The following GSG1L variants were observed in gnomAD, a reference collection of about 807,000 sequenced individuals.
The protein encoded by GSG1L is GSG1 like.
GSG1L carries 24 observed loss-of-function variants against 42.1 expected under a neutral mutation model. The observed-to-expected ratio is 0.57, with a 90% CI of 0.41 to 0.80. The LOEUF (loss-of-function observed/expected upper bound fraction) is 0.80, where lower values mean the gene tolerates loss of function less well. GSG1L is among the 30% of genes least tolerant of loss of function. The pLI is 0.00. For missense variants in GSG1L, 445 were observed against 472.2 expected (o/e 0.94, Z 0.53); for synonymous variants, 215 against 203.5 (o/e 1.06, Z -0.48).
At chr16:27,941,780 G>C (rs1398904813) in intron 2 of GSG1L, among the ~76,000 whole-genome samples, 3 of 152,118 alleles carry the variant, frequency 2.0e-5, no homozygotes. Flanking sequence ...GCCTTAGGAA[G>C]AAATGGAATT....
intron 4 of GSG1L, among the ~76,000 whole-genome samples, chr16:27,834,771 T>A (rs1456103917): frequency 6.6e-6 from 1 of 152,188 alleles, no homozygotes; most frequent in East Asian, 1.9e-4. Context: ...CAACATCCTC[T>A]GTTTCATTCC....
At chr16:27,913,659 G>GTA (rs893204610) in intron 2 of GSG1L, among the ~76,000 whole-genome samples, 1 of 152,128 alleles carries the variant, frequency 6.6e-6, no homozygotes, top group Non-Finnish European at 1.5e-5. Flanking sequence ...ATTCATTTAT[G>GTA]TATCATCTAT....
At chr16:27,801,825 T>C (rs2144412751) in intron 6 of GSG1L, among the ~76,000 whole-genome samples, 1 of 152,322 alleles carries the variant, frequency 6.6e-6, no homozygotes, top group African/African-American at 2.4e-5. Context: ...AGCCATGGTC[T>C]TAACCTCCTG....
intron 1 of GSG1L, among the ~76,000 whole-genome samples, chr16:28,014,450 T>A (rs981466505): frequency 1.3e-5 from 2 of 151,786 alleles, no homozygotes; most frequent in Non-Finnish European, 2.9e-5. Context: ...ACTGGAAAAA[T>A]ACAGACTAAA....
At chr16:27,983,804 C>A (rs192597809) in intron 1 of GSG1L, among the ~76,000 whole-genome samples, 8 of 152,230 alleles carry the variant, frequency 5.3e-5, no homozygotes, top group Admixed American at 5.2e-4. Context: ...CTATGGCTGA[C>A]ACTGTGAGAT....
intron 1 of GSG1L, among the ~76,000 whole-genome samples, chr16:28,036,206 G>A (rs1385986080): frequency 2.0e-5 from 3 of 152,102 alleles, no homozygotes; most frequent in Non-Finnish European, 2.9e-5. Context: ...TCCCCACCAC[G>A]TGGTCACGCA....
rs995262524 is a variant in GSG1L, at chr16:27,791,264, T to A, written c.*106A>T. On this transcript the variant is annotated 3_prime_UTR_variant, in exon 7 of 7. Coordinates refer to ENST00000447459, the MANE Select transcript of GSG1L (RefSeq NM_001109763.2). The stretch of plus-strand genomic sequence containing the variant: ...GCATCTCCCACGCAGGCTGACTGAG[T>A]TCACGGCACACAGGCCAGGGTTCTG... 5.9e-6 allele frequency: 4 copies of A among 682,514 alleles called. No homozygotes were observed. The East Asian group carries it at 1.3e-4, about 22-fold the overall frequency. 42.3% of individuals were successfully genotyped at this position (682,514 alleles called of 1,614,324 possible). A position where few individuals can be genotyped will look rare whatever the true frequency, so the allele number is the denominator to read the frequency against.
intron 4 of GSG1L, among the ~76,000 whole-genome samples, chr16:27,843,128 A>G (rs540828889): frequency 1.1e-4 from 17 of 152,300 alleles, no homozygotes; most frequent in African/African-American, 3.6e-4. Flanking sequence ...GGAAGTACTC[A>G]GTTAATATGT....
At chr16:28,045,018 A>G (rs994330960) in intron 1 of GSG1L, among the ~76,000 whole-genome samples, 1 of 152,236 alleles carries the variant, frequency 6.6e-6, no homozygotes, top group Non-Finnish European at 1.5e-5. Flanking sequence ...AGGCAAAACC[A>G]TAGAGACAGT....
chr16:27,803,806 T>G (rs1265990729), intron 6 of GSG1L, among the ~76,000 whole-genome samples: 2 of 139,184 alleles, frequency 1.4e-5, no homozygotes, highest in South Asian at 4.5e-4. Flanking sequence ...GATAGATAGA[T>G]ATAGATATAG....
At chr16:27,928,270 A>T (rs1658726550) in intron 2 of GSG1L, among the ~76,000 whole-genome samples, 1 of 152,208 alleles carries the variant, frequency 6.6e-6, no homozygotes, top group African/African-American at 2.4e-5. Context: ...AAAGGTAGTG[A>T]GTCCCAGAGT....
chr16:27,934,826 A>G (rs1340219298), intron 2 of GSG1L, among the ~76,000 whole-genome samples: 2 of 152,168 alleles, frequency 1.3e-5, no homozygotes, highest in South Asian at 2.1e-4. Flanking sequence ...GGAGGATCCA[A>G]TGAGACCATG....
intron 1 of GSG1L, among the ~76,000 whole-genome samples, chr16:28,033,446 C>T (rs777580468): frequency 6.6e-6 from 1 of 151,874 alleles, no homozygotes; most frequent in Non-Finnish European, 1.5e-5. Context: ...TTTTGTACTG[C>T]CTTTGAATTT....
intron 6 of GSG1L, among the ~76,000 whole-genome samples, chr16:27,801,975 C>T (rs1411134538): frequency 2.0e-5 from 3 of 152,076 alleles, no homozygotes; most frequent in Non-Finnish European, 4.4e-5. Flanking sequence ...TGGCTGTTTC[C>T]GTAATCAAAT....
chr16:27,918,055 C>CCT (rs2084478778), intron 2 of GSG1L, among the ~76,000 whole-genome samples: 1 of 152,198 alleles, frequency 6.6e-6, no homozygotes, highest in African/African-American at 2.4e-5. Context: ...AGCCCCAACA[C>CCT]ACCTAGACCC....
intron 2 of GSG1L, among the ~76,000 whole-genome samples, chr16:27,953,381 T>C (rs780616253): frequency 6.6e-5 from 10 of 151,424 alleles, no homozygotes; most frequent in Non-Finnish European, 1.3e-4. Context: ...TGAGCCACCA[T>C]GCCTGGCTGT....
chr16:27,838,713 C>T (rs570748867), intron 4 of GSG1L, among the ~76,000 whole-genome samples: 82 of 152,296 alleles, frequency 5.4e-4, no homozygotes, highest in Non-Finnish European at 9.1e-4. Context: ...GGTACAGATT[C>T]ACCATGTGGG....
chr16:28,040,255 C>T lies in GSG1L; in HGVS notation c.349+22821G>A, dbSNP rs949510011. Among the ~76,000 whole-genome samples, 1 of 151,882 alleles carries T rather than the reference C, an allele frequency of 6.6e-6. No homozygotes were observed. The highest frequency in any genetic ancestry group is 1.5e-5 in the Non-Finnish European group (1 of 67,962). On this transcript the variant is annotated intron_variant, in intron 1 of 6. Coordinates refer to ENST00000447459, the MANE Select transcript of GSG1L (RefSeq NM_001109763.2). The surrounding 1 kb of genome is among the most constrained non-coding windows in gnomAD (Gnocchi z 4.1). ...GGGCCTTTTCACTTGCGATTGCCTC[C>T]GTCTGAGGCTCTTTCTCCAGATCTC...
At chr16:27,979,750 G>GAAAGA (rs1555512128) in intron 1 of GSG1L, among the ~76,000 whole-genome samples, 1 of 14,440 alleles carries the variant, frequency 6.9e-5, no homozygotes, top group Non-Finnish European at 1.5e-4. Context: ...AGAAAGAAAG[G>GAAAGA]AAAGAAAGAA....
Sources: allele counts gnomAD v4.1 joint callset (sites outside exome capture counted in the v4.1 genomes callset), GRCh38; gene constraint gnomAD v4.1.1; non-coding constraint Gnocchi (gnomAD v3.1); transcripts MANE v1.5; gene names NCBI Gene and HGNC (gene_info 2026-07-23, HGNC 2026-07-21).